C10orf105: variants seen among roughly 807,000 people sequenced by gnomAD.
C10orf105 encodes the protein chromosome 10 open reading frame 105.
Under a neutral mutation model 0.6 loss-of-function variants are expected in C10orf105, and 2 were observed. The ratio of observed to expected loss-of-function variants is 3.18; its 90% CI spans 1.30 to 10.01. The LOEUF is 10.01. Ranked by LOEUF, C10orf105 falls within the 30% of genes most tolerant of loss-of-function variation. The pLI is 0.04. For missense variants in C10orf105, 209 were observed against 191.4 expected, an observed-to-expected ratio of 1.09 and a Z score of -0.54; for synonymous variants, 95 against 82.4, an observed-to-expected ratio of 1.15 and a Z score of -0.83.
At chr10:71,736,128 T>C (rs1839557817) in intron 1 of C10orf105, among the ~76,000 whole-genome samples, 4 of 152,234 alleles carry the variant, frequency 2.6e-5, no homozygotes, top group Non-Finnish European at 2.9e-5. Flanking sequence ...TCAGCACGGC[T>C]GTTGAGGGCT....
In C10orf105 at chr10:71,719,775, G is replaced by A. The variant is rs1178789421; in HGVS notation, c.-154C>T. ...CAGCCCTCGGTCAGCCTGGCCAGCA[G>A]AGTGGCCTCCCCGTCACTCCCCAGC... is the stretch of plus-strand genomic sequence containing the variant. On this transcript the variant is annotated 5_prime_UTR_variant, in exon 1 of 2. Coordinates refer to ENST00000441508, the MANE Select transcript of C10orf105 (RefSeq NM_001164375.3). 2.6e-5 allele frequency: 4 copies of A among 152,568 alleles called. No individual in the cohort carries two copies. Among genetic ancestry groups the A allele is most frequent in the Non-Finnish European group, 5.9e-5 (4 of 68,284 alleles). The allele number at this position is 152,568 out of a possible 1,614,324, so 9.5% of individuals were successfully genotyped here. A position where few individuals can be genotyped will look rare whatever the true frequency, so the allele number is the denominator to read the frequency against.
rs1839420448 is a variant in C10orf105, at chr10:71,732,350, C to A, written c.-6+5378G>T. ...GCCTACACCAGCACCCAGGCCAAAG[C>A]CCTCTTCAAGATAGACGCCATCACG... On this transcript the variant is annotated intron_variant, in intron 1 of 1. Coordinates refer to the C10orf105 transcript ENST00000398786. 4 of 1,575,154 alleles carry A rather than the reference C, an allele frequency of 2.5e-6. No individual in the cohort carries two copies. Among genetic ancestry groups the A allele is most frequent in the Middle Eastern group, 1.7e-4 (1 of 6,030 alleles).
intron 1 of C10orf105, among the ~76,000 whole-genome samples, chr10:71,727,600 C>T (rs776314017): frequency 3.9e-5 from 6 of 152,152 alleles, no homozygotes; most frequent in Non-Finnish European, 7.4e-5. Flanking sequence ...AGTGAGGGGC[C>T]GGGGAGTACA....
At chr10:71,725,611 G>A in intron 1 of C10orf105, 3 of 1,418,118 alleles carry the variant, frequency 2.1e-6, no homozygotes, top group Non-Finnish European at 2.9e-6. Context: ...CGCCTGGTGT[G>A]GGCAGGGCCA....
chr10:71,713,619 C>G lies in C10orf105; in HGVS notation c.*2317G>C, dbSNP rs557409775. 3 of 323,776 alleles carry G rather than the reference C, an allele frequency of 9.3e-6. No homozygotes were observed. The highest frequency in any genetic ancestry group is 1.2e-5 in the Non-Finnish European group (2 of 172,460). The allele number at this position is 323,776 out of a possible 1,614,324, so 20.1% of individuals were successfully genotyped here. ...GAGCCCAGAAAGCCCTGAGGATTTG[C>G]GAGAGTGTGGTGGCTAGCTCCAGAA... On this transcript the variant is annotated 3_prime_UTR_variant, in exon 2 of 2. Coordinates refer to ENST00000441508, the MANE Select transcript of C10orf105 (RefSeq NM_001164375.3).
Position 71,716,045 on chromosome 10 carries a change from A to G in C10orf105, c.293T>C (p.Leu98Pro). 1 of 1,505,348 alleles carries G rather than the reference A, an allele frequency of 6.6e-7. No individual in the cohort carries two copies. Among genetic ancestry groups the G allele is most frequent in the Non-Finnish European group, 8.9e-7 (1 of 1,123,892 alleles). The allele number at this position is 1,505,348 out of a possible 1,614,324, so 93.2% of individuals were successfully genotyped here. ...RLWKRLGSLR[L>P]SLHSFRHGRP... ...GCCATGGCGGAAGCTGTGCAGGGAGAGGCGCAAGGAGCCCAGGCGCTTCCA... is the reference window on the plus strand; with the variant it reads ...GCCATGGCGGAAGCTGTGCAGGGAGGGGCGCAAGGAGCCCAGGCGCTTCCA... Residue 98 changes from leucine to proline, a missense_variant, in exon 2 of 2, where the codon CTC (leucine) becomes CCC (proline). Physicochemically the swap from Leu to Pro is moderately conservative, Grantham distance 98 (BLOSUM62 -3). Transcript: ENST00000441508.
Position 71,725,664 on chromosome 10 carries a change from G to A in C10orf105, c.-5-9322C>T, listed in dbSNP as rs573344251. ...GAATGACATCTGGGCCTAAGGGTTC[G>A]GTGACAGGTGCCCAGCCTGGGACTT... On this transcript the variant is annotated intron_variant, in intron 1 of 1. Transcript: ENST00000398786. 301 of 986,326 alleles carry A rather than the reference G, an allele frequency of 3.1e-4. 1 individual carries two copies. Among genetic ancestry groups the A allele is most frequent in the Admixed American group, 3.0e-3 (104 of 35,118 alleles). The allele number at this position is 986,326 out of a possible 1,614,324, so 61.1% of individuals were successfully genotyped here. A position where few individuals can be genotyped will look rare whatever the true frequency, so the allele number is the denominator to read the frequency against.
chr10:71,734,011 A>G (rs991099167), intron 1 of C10orf105, among the ~76,000 whole-genome samples: 2 of 152,244 alleles, frequency 1.3e-5, no homozygotes, highest in Non-Finnish European at 2.9e-5. Flanking sequence ...GGGGTAGTGG[A>G]GCCCCTCAGG....
intron 1 of C10orf105, chr10:71,732,608 G>A (rs1178041501): frequency 1.7e-5 from 23 of 1,392,090 alleles, no homozygotes; most frequent in South Asian, 1.6e-4. Context: ...ACTCCAGCCC[G>A]GGCAACAGAG....
intron 1 of C10orf105, among the ~76,000 whole-genome samples, chr10:71,730,224 G>C (rs1839319571): frequency 1.3e-5 from 2 of 152,226 alleles, no homozygotes; most frequent in African/African-American, 4.8e-5. Context: ...CACAGCATTA[G>C]TCAAAAAGCC....
chr10:71,726,516 G>A (rs1414667705), intron 1 of C10orf105, among the ~76,000 whole-genome samples: 1 of 152,184 alleles, frequency 6.6e-6, no homozygotes, highest in East Asian at 1.9e-4. Context: ...AGAAGAGCTG[G>A]GAAGACACCT....
intron 1 of C10orf105, chr10:71,717,563 A>G (rs943196035): frequency 2.6e-5 from 4 of 152,406 alleles, no homozygotes; most frequent in African/African-American, 9.6e-5. Flanking sequence ...TTTTGGCTCA[A>G]TATGTCTGGG....
chr10:71,734,090 TGA>T (rs1445311782), intron 1 of C10orf105: 6 of 699,948 alleles, frequency 8.6e-6, no homozygotes, highest in Admixed American at 4.3e-5. Flanking sequence ...CAGTGGAATG[TGA>T]GAGAGAAGAA....
rs371701194 is a variant in C10orf105, at chr10:71,716,286, C to T, written c.52G>A (p.Ala18Thr). Residue 18 changes from alanine to threonine, a missense_variant, in exon 2 of 2, where the codon GCC (alanine) becomes ACC (threonine). Coordinates refer to ENST00000441508, the MANE Select transcript of C10orf105 (RefSeq NM_001164375.3). ...LASSPAISPL[A>T]FLSAPVTPGT... ...GGAGTGACGGGAGCTGAGAGAAAGG[C>T]GAGGGGGCTGATGGCTGGGGAGCTG... 32 of 1,525,864 alleles carry T rather than the reference C, an allele frequency of 2.1e-5. No homozygotes were observed. Among genetic ancestry groups the T allele is most frequent in the South Asian group, 1.2e-4 (10 of 80,872 alleles). The allele number at this position is 1,525,864 out of a possible 1,614,324, so 94.5% of individuals were successfully genotyped here.
intron 1 of C10orf105, chr10:71,732,403 T>A: frequency 6.4e-7 from 1 of 1,552,264 alleles, no homozygotes; most frequent in Non-Finnish European, 8.7e-7. Context: ...GGGAGCACCA[T>A]TTCTTCCAAT....
intron 1 of C10orf105, among the ~76,000 whole-genome samples, chr10:71,735,004 C>T (rs1839517957): frequency 1.3e-5 from 2 of 152,252 alleles, no homozygotes. Flanking sequence ...CTCTGTGCTT[C>T]CCTTCCTCGG....
intron 1 of C10orf105, chr10:71,734,292 C>A: frequency 6.2e-7 from 1 of 1,612,616 alleles, no homozygotes; most frequent in Non-Finnish European, 8.5e-7. Context: ...GACTTCTATA[C>A]CTTGACAGTG....
chr10:71,726,951 G>T (rs1243408453), intron 1 of C10orf105, among the ~76,000 whole-genome samples: 1 of 152,164 alleles, frequency 6.6e-6, no homozygotes, highest in Admixed American at 6.5e-5. Flanking sequence ...GCATCCCAGG[G>T]TACAGTGTAA....
chr10:71,731,740 T>G (rs965783006), intron 1 of C10orf105, among the ~76,000 whole-genome samples: 12 of 152,064 alleles, frequency 7.9e-5, no homozygotes, highest in African/African-American at 2.9e-4. Context: ...CCCAACTCTT[T>G]CTGTCCTATC....
Sources: gnomAD v4.1 joint callset for allele counts (sites outside exome capture counted in the v4.1 genomes callset) on GRCh38, gnomAD v4.1.1 for gene constraint, MANE v1.5 for transcripts, NCBI Gene and HGNC (gene_info 2026-07-23, HGNC 2026-07-21) for gene names.